The following ULK4 variants were observed in gnomAD, a reference collection of about 807,000 sequenced individuals.
The protein encoded by ULK4 is unc-51 like kinase 4, also known as inactive serine/threonine-protein kinase ULK4.
A neutral mutation model predicts 160.6 loss-of-function variants in ULK4; 133 were observed. That is an observed-to-expected ratio of 0.83 (90% CI 0.72 to 0.96). The LOEUF is 0.96. Among genes scored for constraint, ULK4 ranks in the 40% least tolerant of loss-of-function variants. The probability of loss-of-function intolerance (pLI) is 0.00; values close to 1 mark genes in which losing one functional copy is unlikely to be tolerated. For synonymous variants in ULK4, 534 were observed against 539.8 expected (o/e 0.99, Z 0.15); for missense variants, 1,580 against 1,499.5 (o/e 1.05, Z -0.89).
At chr3:41,377,675 T>C (rs1199014166) in intron 35 of ULK4, among the ~76,000 whole-genome samples, 1 of 147,192 alleles carries the variant, frequency 6.8e-6, no homozygotes, top group Non-Finnish European at 1.5e-5. Context: ...CACAATGAGA[T>C]ACCATCTCAC....
At chr3:41,779,987 A>T (rs910680714) in intron 21 of ULK4, among the ~76,000 whole-genome samples, 3 of 92,670 alleles carry the variant, frequency 3.2e-5, no homozygotes, top group Admixed American at 1.0e-4. Flanking sequence ...GAGTATAATA[A>T]AAAAAAAAAA....
At chr3:41,380,091 G>A (rs992501335) in intron 35 of ULK4, among the ~76,000 whole-genome samples, 1 of 152,106 alleles carries the variant, frequency 6.6e-6, no homozygotes, top group Non-Finnish European at 1.5e-5. Context: ...AGTGATGATA[G>A]AAAAATTACA....
chr3:41,525,625 T>C (rs1032401016), intron 32 of ULK4, among the ~76,000 whole-genome samples: 2 of 152,230 alleles, frequency 1.3e-5, no homozygotes, highest in East Asian at 1.9e-4. Context: ...TGACTAACTT[T>C]TTCTGCAGGA....
chr3:41,664,233 T>C (rs942493129), intron 29 of ULK4, among the ~76,000 whole-genome samples: 5 of 152,178 alleles, frequency 3.3e-5, no homozygotes, highest in Non-Finnish European at 7.3e-5. Context: ...GCATCTGTGT[T>C]GAAGGTCTCC....
intron 21 of ULK4, among the ~76,000 whole-genome samples, chr3:41,775,097 C>G (rs143531651): frequency 0.12 from 16,755 of 144,782 alleles, 1,274 homozygotes; most frequent in Middle Eastern, 0.23. Flanking sequence ...GGGAGGGATA[C>G]CATTAGGAGA....
chr3:41,824,153 ACT>A (rs1367642260), intron 18 of ULK4, among the ~76,000 whole-genome samples: 1 of 116,348 alleles, frequency 8.6e-6, no homozygotes, highest in Non-Finnish European at 1.7e-5. Context: ...AGAGAATGAG[ACT>A]CTATCTTTAA....
intron 35 of ULK4, among the ~76,000 whole-genome samples, chr3:41,345,266 A>C (rs952192098): frequency 6.6e-6 from 1 of 152,222 alleles, no homozygotes; most frequent in African/African-American, 2.4e-5. Flanking sequence ...CAGCAATCCC[A>C]TTACTGGATA....
At chr3:41,588,292 T>C (rs1396184780) in intron 31 of ULK4, among the ~76,000 whole-genome samples, 1 of 152,236 alleles carries the variant, frequency 6.6e-6, no homozygotes, top group African/African-American at 2.4e-5. Context: ...TATATACTTT[T>C]TGGAACCTAA....
chr3:41,607,416 T>C (rs1214132389), intron 31 of ULK4, among the ~76,000 whole-genome samples: 1 of 152,134 alleles, frequency 6.6e-6, no homozygotes, highest in Non-Finnish European at 1.5e-5. Context: ...TTGACTCTCA[T>C]AATGAAAAGT....
intron 11 of ULK4, among the ~76,000 whole-genome samples, chr3:41,910,383 C>G: frequency 6.6e-6 from 1 of 152,048 alleles, no homozygotes; most frequent in East Asian, 1.9e-4. Context: ...CACCTAAGGT[C>G]AGGAGTTCAA....
chr3:41,331,728 G>T (rs901185294), intron 35 of ULK4, among the ~76,000 whole-genome samples: 4 of 152,070 alleles, frequency 2.6e-5, no homozygotes, highest in African/African-American at 9.7e-5. Context: ...AAGTTGTTTT[G>T]AGACGAATTT....
At chr3:41,877,500 T>C (rs9839213) in intron 17 of ULK4, among the ~76,000 whole-genome samples, 103,438 of 151,484 alleles carry the variant, frequency 0.68, 38,956 homozygotes, top group East Asian at 0.83. Context: ...CTAATTTTTG[T>C]ATTTTTAGTA....
chr3:41,699,025 A>C (rs558723756), intron 27 of ULK4, among the ~76,000 whole-genome samples: 70 of 152,320 alleles, frequency 4.6e-4, no homozygotes, highest in South Asian at 2.5e-3. Flanking sequence ...TAATGTACTC[A>C]TCCATAGACT....
At chr3:41,872,278 T>C (rs79269645) in intron 17 of ULK4, among the ~76,000 whole-genome samples, 9,192 of 152,260 alleles carry the variant, frequency 0.06, 880 homozygotes, top group African/African-American at 0.21. Context: ...TTCTGCTCAA[T>C]GCTTTAACCT....
At chr3:41,436,075 G>A (rs1440058063) in intron 34 of ULK4, among the ~76,000 whole-genome samples, 1 of 152,206 alleles carries the variant, frequency 6.6e-6, no homozygotes, top group Non-Finnish European at 1.5e-5. Context: ...AGTAGAAACA[G>A]TACTTTGGGT....
At chr3:41,838,011 C>T (rs2041809191) in intron 17 of ULK4, among the ~76,000 whole-genome samples, 1 of 152,194 alleles carries the variant, frequency 6.6e-6, no homozygotes, top group Admixed American at 6.5e-5. Context: ...TCAGTCCTTG[C>T]AGCAGGTCAC....
intron 19 of ULK4, among the ~76,000 whole-genome samples, chr3:41,813,453 T>A (rs1183507276): frequency 6.6e-6 from 1 of 152,232 alleles, no homozygotes; most frequent in East Asian, 1.9e-4. Flanking sequence ...AATTTTTACT[T>A]TTTAATTAGG....
At chr3:41,680,743 T>G (rs1162254611) in intron 29 of ULK4, among the ~76,000 whole-genome samples, 1 of 152,186 alleles carries the variant, frequency 6.6e-6, no homozygotes, top group African/African-American at 2.4e-5. Flanking sequence ...CCTGCCAAAC[T>G]GACCCAGACT....
At chr3:41,307,617 A>C (rs146270307) in intron 35 of ULK4, among the ~76,000 whole-genome samples, 5 of 152,282 alleles carry the variant, frequency 3.3e-5, no homozygotes, top group African/African-American at 9.6e-5. Context: ...CCTTGAGCTC[A>C]GGAGTTTGAG....
Sources: gnomAD v4.1 joint callset for allele counts (sites outside exome capture counted in the v4.1 genomes callset) on GRCh38, gnomAD v4.1.1 for gene constraint, MANE v1.5 for transcripts, NCBI Gene and HGNC (gene_info 2026-07-23, HGNC 2026-07-21) for gene names.